Variants in DYSF observed in about 807,000 individuals in gnomAD.
DYSF encodes dysferlin, also known as dystrophy-associated fer-1-like 1.
DYSF carries 212 observed loss-of-function variants against 274.9 expected under a neutral mutation model. That is an observed-to-expected ratio of 0.77 (90% confidence interval 0.69 to 0.86). The LOEUF is 0.86. Ranked by LOEUF, DYSF falls within the 40% of genes least tolerant of loss-of-function variation. DYSF has a pLI of 0.00. For synonymous variants in DYSF, 1,091 were observed against 1,078.7 expected, an observed-to-expected ratio of 1.01 and a Z score of -0.22; for missense variants, 2,666 against 2,783.2, an observed-to-expected ratio of 0.96 and a Z score of 0.95.
intron 11 of DYSF, 134 bp from the exon 12 acceptor site, chr2:71,520,655 A>T: frequency 1.3e-6 from 1 of 770,478 alleles, no homozygotes; most frequent in Admixed American, 1.9e-5. Flanking sequence ...TGATTCTAGA[A>T]TCTGAGTCCT....
intron 51 of DYSF, among the ~76,000 whole-genome samples, chr2:71,671,739 A>T (rs1239365422): frequency 6.6e-6 from 1 of 152,060 alleles, no homozygotes; most frequent in Admixed American, 6.5e-5. Context: ...AGTTCTGGGG[A>T]CCCAGTTGTG....
intron 40 of DYSF, among the ~76,000 whole-genome samples, chr2:71,617,852 T>G (rs1353109863): frequency 2.0e-4 from 7 of 35,116 alleles, no homozygotes; most frequent in Non-Finnish European, 3.0e-4. Flanking sequence ...GTGGTAGAGA[T>G]GGGGTGTGTG....
chr2:71,505,260 C>A (rs184255512), intron 4 of DYSF, among the ~76,000 whole-genome samples: 3 of 152,152 alleles, frequency 2.0e-5, no homozygotes, highest in Non-Finnish European at 2.9e-5. Context: ...CACTGTAGTG[C>A]GAGGCAGGGA....
chr2:71,638,564 T>G (rs1018397801), intron 41 of DYSF, among the ~76,000 whole-genome samples: 3 of 152,236 alleles, frequency 2.0e-5, no homozygotes, highest in Non-Finnish European at 2.9e-5. Flanking sequence ...GAGCTTCATA[T>G]AAATGAAATC....
At position 71,668,786 on chromosome 2, in the gene DYSF, G is replaced by A. The variant is rs759536240; in HGVS notation, c.5490G>A (p.Pro1830=). The part of the protein sequence containing the change: ...GKLQMWVDLF[P]KALGRPGPPF... The stretch of plus-strand genomic sequence containing the variant: ...TGCAGATGTGGGTCGACCTATTTCC[G>A]AAGGCCCTGGGGCGGCCTGGACCTC... Residue 1830 remains proline, a synonymous_variant, in exon 49 of 56, where the codon CCG becomes CCA. Coordinates refer to ENST00000410020, the MANE Select transcript of DYSF (RefSeq NM_001130987.2). The A allele has an allele frequency of 1.4e-5, 22 of 1,613,798 alleles. No individual in the cohort carries two copies. In the East Asian group the frequency reaches 2.9e-4, roughly 21 times the overall value.
intron 30 of DYSF, among the ~76,000 whole-genome samples, chr2:71,574,607 T>C (rs1359610585): frequency 6.6e-6 from 1 of 152,246 alleles, no homozygotes; most frequent in Non-Finnish European, 1.5e-5. Flanking sequence ...TTGCTGCTAC[T>C]ACTTTGAGGT....
At chr2:71,644,914 A>G (rs1201940280) in intron 42 of DYSF, among the ~76,000 whole-genome samples, 5 of 152,138 alleles carry the variant, frequency 3.3e-5, no homozygotes, top group Non-Finnish European at 7.3e-5. Context: ...TGGTTATGAA[A>G]CAGGAAAAGT....
intron 27 of DYSF, 88 bp from the exon 28 acceptor site, chr2:71,570,141 C>A (rs1027384929): frequency 2.4e-6 from 3 of 1,252,122 alleles, no homozygotes; most frequent in African/African-American, 1.5e-5. Flanking sequence ...ACTTGGAGGA[C>A]GTATGTTGTC....
chr2:71,613,495 A>C, intron 40 of DYSF, 85 bp downstream of exon 40: 11 of 1,147,746 alleles, frequency 9.6e-6, no homozygotes, highest in Non-Finnish European at 1.4e-5. Context: ...CCTACCCTTC[A>C]TTATCACACA....
chr2:71,564,351 G>A, intron 24 of DYSF, 138 bp downstream of exon 24: 1 of 1,260,204 alleles, frequency 7.9e-7, no homozygotes, highest in Non-Finnish European at 1.1e-6. Context: ...GAGGTCTTTG[G>A]GTAAAACAAT....
At chr2:71,640,743 G>A (rs1198290149) in intron 41 of DYSF, among the ~76,000 whole-genome samples, 1 of 85,454 alleles carries the variant, frequency 1.2e-5, no homozygotes, top group Non-Finnish European at 2.3e-5. Context: ...ATTAATCCGT[G>A]TGTGTGTGTG....
intron 4 of DYSF, among the ~76,000 whole-genome samples, chr2:71,511,320 T>A (rs1023468718): frequency 2.6e-5 from 4 of 152,104 alleles, no homozygotes; most frequent in African/African-American, 9.7e-5. Flanking sequence ...CAAAGCTGAG[T>A]TGTCCCTGGA....
intron 36 of DYSF, among the ~76,000 whole-genome samples, chr2:71,605,252 G>C (rs11889458): frequency 0.95 from 145,158 of 152,352 alleles, 69,279 homozygotes; most frequent in African/African-American, 0.99. Flanking sequence ...CCCTCTGTCT[G>C]GTTTCTTTTC....
At chr2:71,504,110 T>G (rs2085250027) in intron 4 of DYSF, among the ~76,000 whole-genome samples, 1 of 152,122 alleles carries the variant, frequency 6.6e-6, no homozygotes, top group East Asian at 1.9e-4. Context: ...AGTCAGGAAG[T>G]AGCCGGTCTG....
chr2:71,621,266 A>C (rs1192241024), intron 41 of DYSF, among the ~76,000 whole-genome samples: 1 of 152,174 alleles, frequency 6.6e-6, no homozygotes, highest in East Asian at 1.9e-4. Context: ...TAAGAGACAG[A>C]ACTTGCTAAA....
intron 30 of DYSF, among the ~76,000 whole-genome samples, chr2:71,580,675 C>T (rs779567150): frequency 2.4e-4 from 37 of 152,164 alleles, no homozygotes; most frequent in African/African-American, 7.7e-4. Context: ...TGAATATTCA[C>T]GTTGAGCACC....
intron 40 of DYSF, among the ~76,000 whole-genome samples, chr2:71,616,460 G>T (rs2093886184): frequency 6.6e-6 from 1 of 150,716 alleles, no homozygotes; most frequent in African/African-American, 2.5e-5. Context: ...TGGGGGTGGT[G>T]TGTGCACATG....
chr2:71,564,191 A>C lies in DYSF; in HGVS notation c.2543A>C (p.Lys848Thr). The C allele has an allele frequency of 6.2e-7, 1 of 1,614,260 alleles. No individual in the cohort carries two copies. The highest frequency in any genetic ancestry group is 8.5e-7 in the Non-Finnish European group (1 of 1,180,048). Reference protein sequence around the residue: ...GANYCGKNCGKLQTIFLKYPM... With the variant: ...GANYCGKNCGTLQTIFLKYPM... ...AACTACTGTGGCAAGAATTGTGGGA[A>C]GCTACAGACAATCTTTCTGAAAGTG... The change falls in exon 24 of 56, where the codon AAG becomes ACG. Residue 848 changes from lysine to threonine, a missense_variant. Coordinates refer to ENST00000410020, the MANE Select transcript of DYSF (RefSeq NM_001130987.2).
intron 17 of DYSF, chr2:71,549,287 T>C: frequency 2.0e-6 from 3 of 1,530,606 alleles, no homozygotes; most frequent in Non-Finnish European, 2.7e-6. Context: ...AGCCTGTTCA[T>C]GTAACCCGTC....
Sources: gnomAD v4.1 joint callset for allele counts (sites outside exome capture counted in the v4.1 genomes callset) on GRCh38, gnomAD v4.1.1 for gene constraint, MANE v1.5 for transcripts, NCBI Gene and HGNC (gene_info 2026-07-23, HGNC 2026-07-21) for gene names.